Variants in CIT observed in about 807,000 individuals in gnomAD.
CIT encodes citron Rho-interacting kinase.
Under a neutral mutation model 272.7 loss-of-function variants are expected in CIT, and 79 were observed. The ratio of observed to expected loss-of-function variants is 0.29; its 90% CI spans 0.24 to 0.35. The LOEUF (loss-of-function observed/expected upper bound fraction) is 0.35. Among genes scored for constraint, CIT ranks in the 10% least tolerant of loss-of-function variants. CIT has a pLI of 1.00. For synonymous variants in CIT, 948 were observed against 995.6 expected, an observed-to-expected ratio of 0.95 and a Z score of 0.90; for missense variants, 1,909 against 2,618.3, an observed-to-expected ratio of 0.73 and a Z score of 5.91.
chr12:119,845,932 C>T (rs1212754093), intron 5 of CIT, among the ~76,000 whole-genome samples: 20 of 144,268 alleles, frequency 1.4e-4, no homozygotes, highest in African/African-American at 5.4e-4. Context: ...CACGGCAAGA[C>T]TCCATCTCAA....
chr12:119,712,211 C>A lies in CIT; in HGVS notation c.4821G>T (p.Gly1607=). The A allele has an allele frequency of 1.2e-6, 2 of 1,608,064 alleles. No individual in the cohort carries two copies. The highest frequency in any genetic ancestry group is 1.7e-5 in the Admixed American group (1 of 58,828). ...VTALESVVAG[G]RVSREKAEAD... is the part of the protein sequence containing the mutation. Reference sequence around the variant, plus strand: ...CTTCTGCTTTTTCCCTAGAAACTCTCCCACCTGCGACAACTGATTCTAAGG... The same window carrying A: ...CTTCTGCTTTTTCCCTAGAAACTCTACCACCTGCGACAACTGATTCTAAGG... Residue 1607 remains glycine, a synonymous_variant, in exon 37 of 48, where the codon GGG becomes GGT. Coordinates refer to ENST00000392521, the MANE Select transcript of CIT (RefSeq NM_001206999.2). The surrounding 1 kb of genome is among the most constrained non-coding windows in gnomAD (Gnocchi z 5.2).
chr12:119,873,749 ATC>A (rs1950754272), intron 2 of CIT, among the ~76,000 whole-genome samples: 1 of 146,976 alleles, frequency 6.8e-6, no homozygotes. Context: ...TTCCACTCTC[ATC>A]TGTTTAAACA....
intron 41 of CIT, 144 bp downstream of exon 41, chr12:119,704,219 A>G (rs1956749721): frequency 1.5e-6 from 1 of 664,850 alleles, no homozygotes; most frequent in South Asian, 2.0e-5. Context: ...CGCTGACGAC[A>G]GAGGTCACCC....
chr12:119,755,547 C>T (rs1960844438), intron 22 of CIT, among the ~76,000 whole-genome samples: 1 of 152,218 alleles, frequency 6.6e-6, no homozygotes, highest in African/African-American at 2.4e-5. Flanking sequence ...ATCTTCCCTC[C>T]CAGCCTGGGT....
intron 1 of CIT, among the ~76,000 whole-genome samples, chr12:119,876,639 TAAG>T (rs908752976): frequency 2.0e-5 from 3 of 152,132 alleles, no homozygotes; most frequent in Non-Finnish European, 4.4e-5. Flanking sequence ...TGTGGTCAAA[TAAG>T]ACTTCACTGA....
intron 13 of CIT, among the ~76,000 whole-genome samples, chr12:119,778,060 G>A (rs203366): frequency 0.47 from 71,676 of 151,966 alleles, 17,382 homozygotes; most frequent in Admixed American, 0.58. Flanking sequence ...AATGATGACC[G>A]TAACATCACT....
intron 41 of CIT, among the ~76,000 whole-genome samples, 183 bp from the exon 42 acceptor site, chr12:119,702,141 G>A (rs1456781763): frequency 6.6e-6 from 1 of 150,680 alleles, no homozygotes; most frequent in East Asian, 1.9e-4. Flanking sequence ...ATCTCGCTCT[G>A]TCACCTAGGT....
At chr12:119,693,172 C>A (rs1956051946) in intron 46 of CIT, among the ~76,000 whole-genome samples, 1 of 152,156 alleles carries the variant, frequency 6.6e-6, no homozygotes, top group South Asian at 2.1e-4. Flanking sequence ...CATTCCAAGC[C>A]AAGTGGGCAG....
intron 9 of CIT, 79 bp downstream of exon 9, chr12:119,822,741 T>C: frequency 6.8e-7 from 1 of 1,475,836 alleles, no homozygotes. Flanking sequence ...GAAGCTTCTT[T>C]GGGCCAGAAC....
Position 119,784,486 on chromosome 12 carries a change from C to T in CIT, c.1402-435G>A. On this transcript the variant is annotated intron_variant, in intron 11 of 47. Transcript: ENST00000392521. The surrounding 1 kb of genome is among the most constrained non-coding windows in gnomAD (Gnocchi z 4.7). ...TATTCGTCTGCACTCTTAGGAGTCC[C>T]AGGCAAGCAGTGACTTATTAGTTTC... The T allele has an allele frequency of 8.4e-7, 1 of 1,189,630 alleles. No individual in the cohort carries two copies. 73.7% of individuals were successfully genotyped at this position (1,189,630 alleles called of 1,614,324 possible).
rs113188451 is a variant in CIT at position 119,853,438 on chromosome 12, G to GTTTTGT, written c.415-3164_415-3163insACAAAA. Among the ~76,000 whole-genome samples, 1,229 of 151,390 alleles carry GTTTTGT rather than the reference G, an allele frequency of 8.1e-3. 13 individuals carry two copies. The highest frequency in any genetic ancestry group is 0.025 in the African/African-American group (1,022 of 41,240). On this transcript the variant is annotated intron_variant, in intron 4 of 47. Transcript: ENST00000392521. ...AGGGGATTTGTTTATTTGTTTGTTT[G>GTTTTGT]TTTGTTTTGTTTTGTTTTGTTTTAG...
At position 119,752,209 on chromosome 12, in the gene CIT, C is replaced by T; in HGVS notation, c.2745G>A (p.Lys915=). 1 of 1,610,360 alleles carries T rather than the reference C, an allele frequency of 6.2e-7. No homozygotes were observed. The highest frequency in any genetic ancestry group is 8.5e-7 in the Non-Finnish European group (1 of 1,179,806). ...LEHEEQKLEL[K]RQLTELQLSL... is the part of the protein sequence containing the mutation. ...AGAGCTGTAGCTCTGTGAGCTGGCG[C>T]TTGAGCTCCAGTTTCTGCTCCTCGT... Residue 915 remains lysine, a synonymous_variant, in exon 23 of 48, where the codon AAG becomes AAA. Coordinates refer to ENST00000392521, the MANE Select transcript of CIT (RefSeq NM_001206999.2).
At chr12:119,760,080 G>A (rs747720546) in intron 20 of CIT, among the ~76,000 whole-genome samples, 19 of 151,890 alleles carry the variant, frequency 1.3e-4, no homozygotes, top group East Asian at 7.8e-4. Flanking sequence ...CCAGCTACTC[G>A]GGAGGCTGAG....
intron 28 of CIT, among the ~76,000 whole-genome samples, chr12:119,727,713 C>G (rs930963021): frequency 1.3e-5 from 2 of 152,112 alleles, no homozygotes; most frequent in Non-Finnish European, 2.9e-5. Context: ...TCACTTGAGC[C>G]CAAGGGTTTG....
At chr12:119,759,176 C>T (rs1013539164) in intron 20 of CIT, among the ~76,000 whole-genome samples, 12 of 152,200 alleles carry the variant, frequency 7.9e-5, no homozygotes, top group African/African-American at 2.9e-4. Context: ...ACCCCATTAC[C>T]GGTCTGCCAC....
chr12:119,860,470 C>G (rs1295772966), intron 3 of CIT, among the ~76,000 whole-genome samples: 2 of 152,200 alleles, frequency 1.3e-5, no homozygotes, highest in African/African-American at 4.8e-5. Flanking sequence ...AAGTTTCTTC[C>G]AGATCAAGTA....
chr12:119,727,494 C>T (rs75597183), intron 28 of CIT, among the ~76,000 whole-genome samples: 152 of 152,236 alleles, frequency 1.0e-3, no homozygotes, highest in Non-Finnish European at 1.9e-3. Flanking sequence ...AATTACCTAT[C>T]GGGTACGATA....
chr12:119,842,616 C>T (rs555120191), intron 5 of CIT, among the ~76,000 whole-genome samples: 23 of 152,044 alleles, frequency 1.5e-4, no homozygotes, highest in African/African-American at 5.3e-4. Flanking sequence ...ACAGAGTTTG[C>T]GACAATTTTC....
chr12:119,854,033 T>C (rs1218131215), intron 4 of CIT, among the ~76,000 whole-genome samples: 6 of 148,398 alleles, frequency 4.0e-5, no homozygotes, highest in African/African-American at 1.5e-4. Context: ...CATAATTTAT[T>C]TTTTTTTTTT....
Sources: gnomAD v4.1 joint callset for allele counts (sites outside exome capture counted in the v4.1 genomes callset) on GRCh38, gnomAD v4.1.1 for gene constraint, Gnocchi (gnomAD v3.1) non-coding constraint, MANE v1.5 for transcripts, NCBI Gene and HGNC (gene_info 2026-07-23, HGNC 2026-07-21) for gene names.